CNTNAP2: variants seen among roughly 807,000 people sequenced by gnomAD.
CNTNAP2 encodes contactin associated protein 2.
CNTNAP2 carries 98 observed loss-of-function variants against 155.2 expected under a neutral mutation model. That is an observed-to-expected ratio of 0.63 (90% CI 0.54 to 0.75). CNTNAP2 has a LOEUF of 0.75. Ranked by LOEUF, CNTNAP2 falls within the 30% of genes least tolerant of loss-of-function variation. The pLI is 0.00. For missense variants in CNTNAP2, 1,727 were observed against 1,688.1 expected, an observed-to-expected ratio of 1.02 and a Z score of -0.40; for synonymous variants, 651 against 631.2, an observed-to-expected ratio of 1.03 and a Z score of -0.47.
chr7:146,998,023 T>A (rs1798345154), intron 3 of CNTNAP2, among the ~76,000 whole-genome samples: 1 of 152,002 alleles, frequency 6.6e-6, no homozygotes, highest in Non-Finnish European at 1.5e-5. Flanking sequence ...AAGGCTTTTG[T>A]AGTCTGTATT....
chr7:146,893,215 T>C (rs1193412213), intron 3 of CNTNAP2, among the ~76,000 whole-genome samples: 3 of 152,114 alleles, frequency 2.0e-5, no homozygotes, highest in Non-Finnish European at 4.4e-5. Flanking sequence ...TTTCATTTTT[T>C]CCTAGTCACG....
chr7:147,918,278 A>T (rs1385735635), intron 14 of CNTNAP2, among the ~76,000 whole-genome samples: 1 of 152,202 alleles, frequency 6.6e-6, no homozygotes, highest in Non-Finnish European at 1.5e-5. Context: ...ATGTAAGCCA[A>T]ATGTGTAGCA....
intron 13 of CNTNAP2, among the ~76,000 whole-genome samples, chr7:147,645,836 T>C (rs1795357124): frequency 6.6e-6 from 1 of 152,114 alleles, no homozygotes; most frequent in Non-Finnish European, 1.5e-5. Flanking sequence ...GATTCAGAGA[T>C]GGAGATCAAG....
At chr7:148,285,249 A>C (rs537379805) in intron 21 of CNTNAP2, among the ~76,000 whole-genome samples, 4 of 152,376 alleles carry the variant, frequency 2.6e-5, no homozygotes, top group Admixed American at 2.6e-4. Context: ...CTGTTAAAAA[A>C]CAATAAAGTG....
At position 147,213,332 on chromosome 7, in the gene CNTNAP2, C is replaced by G. The variant is rs746357749; in HGVS notation, c.1348+80823C>G. On this transcript the variant is annotated intron_variant, in intron 8 of 23. Coordinates refer to ENST00000361727, the MANE Select transcript of CNTNAP2 (RefSeq NM_014141.6). ...ACATTGGTGAGGGCCATCTTCTTTA[C>G]TCAGTTTGCTGATTCAAATAATAAT... Among the ~76,000 whole-genome samples the G allele has an allele frequency of 4.6e-5, 7 of 152,250 alleles. No individual in the cohort carries two copies. The South Asian group carries it at 1.4e-3, about 32-fold the overall frequency.
intron 11 of CNTNAP2, among the ~76,000 whole-genome samples, chr7:147,509,055 T>C (rs1798967822): frequency 6.6e-6 from 1 of 152,204 alleles, no homozygotes; most frequent in African/African-American, 2.4e-5. Flanking sequence ...CTTTACCCAG[T>C]TCCCACTCAG....
chr7:147,683,877 A>G (rs1026755334), intron 13 of CNTNAP2, among the ~76,000 whole-genome samples: 1 of 151,368 alleles, frequency 6.6e-6, no homozygotes, highest in African/African-American at 2.4e-5. Context: ...TTGATGCATG[A>G]CTAATTACTA....
intron 1 of CNTNAP2, among the ~76,000 whole-genome samples, chr7:146,440,251 G>A (rs1338101818): frequency 6.6e-6 from 1 of 151,704 alleles, no homozygotes; most frequent in Non-Finnish European, 1.5e-5. Flanking sequence ...AAGAAACTTA[G>A]TGGAGTAAAA....
At chr7:148,237,821 C>G (rs1263390830) in intron 20 of CNTNAP2, among the ~76,000 whole-genome samples, 1 of 152,132 alleles carries the variant, frequency 6.6e-6, no homozygotes, top group African/African-American at 2.4e-5. Context: ...CGGGGGAGCC[C>G]TAGTTCACCA....
At chr7:146,307,511 A>G (rs1170622012) in intron 1 of CNTNAP2, among the ~76,000 whole-genome samples, 1 of 152,112 alleles carries the variant, frequency 6.6e-6, no homozygotes, top group African/African-American at 2.4e-5. Flanking sequence ...AAAAAGAGTC[A>G]GCATTGCCAA....
chr7:148,228,829 A>AAAAAC (rs534281093), intron 19 of CNTNAP2, among the ~76,000 whole-genome samples: 6,058 of 147,088 alleles, frequency 0.041, 478 homozygotes, highest in African/African-American at 0.15. Flanking sequence ...CTCTGTTTCA[A>AAAAAC]AAAAAAAAAA....
At chr7:147,608,267 A>T (rs1801111725) in intron 12 of CNTNAP2, among the ~76,000 whole-genome samples, 1 of 151,514 alleles carries the variant, frequency 6.6e-6, no homozygotes, top group African/African-American at 2.4e-5. Context: ...ACATACTTTT[A>T]TGTTGCTCTG....
At chr7:146,304,397 G>A (rs1337930760) in intron 1 of CNTNAP2, among the ~76,000 whole-genome samples, 6 of 152,104 alleles carry the variant, frequency 3.9e-5, no homozygotes, top group Non-Finnish European at 8.8e-5. Flanking sequence ...TGTCATTGCA[G>A]TGGCTGGTAC....
intron 3 of CNTNAP2, among the ~76,000 whole-genome samples, chr7:146,972,465 A>G (rs1207758610): frequency 2.0e-5 from 3 of 152,222 alleles, no homozygotes; most frequent in African/African-American, 7.2e-5. Flanking sequence ...TATGTACAGA[A>G]TGGAATACAT....
intron 11 of CNTNAP2, among the ~76,000 whole-genome samples, chr7:147,540,902 C>G (rs757358180): frequency 6.6e-6 from 1 of 151,916 alleles, no homozygotes; most frequent in Non-Finnish European, 1.5e-5. Context: ...ATTGGTGCAG[C>G]GTAATCCAGT....
At chr7:148,080,787 G>T (rs1803587351) in intron 15 of CNTNAP2, among the ~76,000 whole-genome samples, 1 of 152,110 alleles carries the variant, frequency 6.6e-6, no homozygotes, top group African/African-American at 2.4e-5. Context: ...TAGAGCAGGG[G>T]GGGAAATGTG....
intron 18 of CNTNAP2, among the ~76,000 whole-genome samples, chr7:148,211,255 A>T (rs905609118): frequency 6.6e-6 from 1 of 152,232 alleles, no homozygotes. Flanking sequence ...CCTAGACTTT[A>T]GCAGAAGCTG....
At chr7:146,143,502 A>G (rs1180528527) in intron 1 of CNTNAP2, among the ~76,000 whole-genome samples, 1 of 152,058 alleles carries the variant, frequency 6.6e-6, no homozygotes, top group Non-Finnish European at 1.5e-5. Context: ...TGTCACTCCT[A>G]TAAACTTATT....
chr7:147,872,929 CTT>C (rs1799352374), intron 13 of CNTNAP2, among the ~76,000 whole-genome samples: 1 of 152,194 alleles, frequency 6.6e-6, no homozygotes, highest in Non-Finnish European at 1.5e-5. Context: ...GTTCATGTCT[CTT>C]TAGATTTATG....
Sources: allele counts gnomAD v4.1 joint callset (sites outside exome capture counted in the v4.1 genomes callset), GRCh38; gene constraint gnomAD v4.1.1; transcripts MANE v1.5; gene names NCBI Gene and HGNC (gene_info 2026-07-23, HGNC 2026-07-21).